The following PABPC4L variants were observed in gnomAD, a reference collection of about 807,000 sequenced individuals.
PABPC4L encodes the protein poly(A) binding protein cytoplasmic 4 like.
For missense variants in PABPC4L, 452 were observed against 451.4 expected (o/e 1.00, Z -0.01); for synonymous variants, 169 against 164.1 (o/e 1.03, Z -0.23).
At chr4:134,149,357 A>G in the PABPC4L span, among the ~76,000 whole-genome samples, 1 of 152,206 alleles carries the variant, frequency 6.6e-6, no homozygotes, top group East Asian at 1.9e-4. Context: ...TGAACTAGCG[A>G]AAAAATATTG....
the PABPC4L span, among the ~76,000 whole-genome samples, chr4:134,039,515 C>T: frequency 5.9e-5 from 9 of 151,784 alleles, no homozygotes; most frequent in Admixed American, 2.0e-4. Flanking sequence ...CTGTATTGGG[C>T]GCATATATAT....
At chr4:134,120,305 A>AT in the PABPC4L span, among the ~76,000 whole-genome samples, 3 of 138,916 alleles carry the variant, frequency 2.2e-5, no homozygotes, top group East Asian at 2.0e-4. Context: ...AACTAGAGTG[A>AT]TTTTTTACCA....
At chr4:134,139,665 T>C in the PABPC4L span, among the ~76,000 whole-genome samples, 2 of 151,094 alleles carry the variant, frequency 1.3e-5, no homozygotes, top group East Asian at 4.0e-4. Flanking sequence ...AGAAATGTTC[T>C]ATTGGCTTAA....
At chr4:134,018,502 C>T in the PABPC4L span, among the ~76,000 whole-genome samples, 2 of 152,134 alleles carry the variant, frequency 1.3e-5, no homozygotes, top group East Asian at 3.9e-4. Context: ...TCAATGCTCA[C>T]CCTCTTACCT....
chr4:134,200,209 G>A lies in PABPC4L; in HGVS notation c.811C>T (p.Arg271Ter), dbSNP rs779118612. Residue 271 changes from arginine (R) to a stop codon, truncating the protein, a stop_gained, in exon 2 of 2, where the codon CGA becomes TGA. Coordinates refer to ENST00000421491, the MANE Select transcript of PABPC4L (RefSeq NM_001114734.2). LOFTEE classifies it low-confidence loss of function (END_TRUNC). ...FVGRAQKKVE[R>*]QAELKQMFEQ... is the part of the protein sequence containing the mutation. The stretch of plus-strand genomic sequence containing the variant: ...AACATTTGCTTTAACTCAGCCTGTC[G>A]CTCGACTTTCTTTTGAGCCCGGCCT... 13 of 1,551,436 alleles carry A rather than the reference G, an allele frequency of 8.4e-6. No homozygotes were observed. The East Asian group carries it at 2.4e-4, about 29-fold the overall frequency.
chr4:134,147,042 T>C, the PABPC4L span, among the ~76,000 whole-genome samples: 4 of 152,142 alleles, frequency 2.6e-5, no homozygotes, highest in African/African-American at 4.8e-5. Flanking sequence ...AAGTGTACTT[T>C]ATTTTTATCT....
At chr4:133,989,198 G>T in the PABPC4L span, among the ~76,000 whole-genome samples, 1 of 151,958 alleles carries the variant, frequency 6.6e-6, no homozygotes, top group Non-Finnish European at 1.5e-5. Context: ...CCATGTTGTT[G>T]GTGAATAACA....
At chr4:134,033,421 G>A in the PABPC4L span, among the ~76,000 whole-genome samples, 1 of 151,768 alleles carries the variant, frequency 6.6e-6, no homozygotes, top group African/African-American at 2.4e-5. Flanking sequence ...AGGAAGAGTT[G>A]CATATATTTC....
rs1729777128 is a variant in PABPC4L at position 134,199,572 on chromosome 4, A to T, written c.*335T>A. 5.7e-6 allele frequency: 1 copy of T among 174,438 alleles called. No homozygotes were observed. Among genetic ancestry groups the T allele is most frequent in the Admixed American group, 6.3e-5 (1 of 15,954 alleles). The allele number at this position is 174,438 out of a possible 1,614,324, so 10.8% of individuals were successfully genotyped here. On this transcript the variant is annotated 3_prime_UTR_variant, in exon 2 of 2. Coordinates refer to ENST00000421491, the MANE Select transcript of PABPC4L (RefSeq NM_001114734.2). ...TTAAAGCTAGCAATATTACTAAAAT[A>T]ATAAATATGCAATAAATTCAAATAA...
the PABPC4L span, among the ~76,000 whole-genome samples, chr4:134,145,037 C>G: frequency 4.6e-5 from 7 of 151,672 alleles, no homozygotes; most frequent in Non-Finnish European, 7.4e-5. Flanking sequence ...ATAGTACGTT[C>G]AAGTGTTTGC....
the PABPC4L span, among the ~76,000 whole-genome samples, chr4:134,005,657 T>C: frequency 6.6e-6 from 1 of 151,980 alleles, no homozygotes; most frequent in South Asian, 2.1e-4. Context: ...GTTACTGCTT[T>C]TCATGTACTA....
chr4:133,963,268 G>A, the PABPC4L span, among the ~76,000 whole-genome samples: 1 of 152,200 alleles, frequency 6.6e-6, no homozygotes, highest in African/African-American at 2.4e-5. Flanking sequence ...AATGGTAAAA[G>A]GTCTTGTCCA....
chr4:134,061,873 GA>G, the PABPC4L span, among the ~76,000 whole-genome samples: 1 of 147,700 alleles, frequency 6.8e-6, no homozygotes, highest in African/African-American at 2.5e-5. Flanking sequence ...AAGAAAGAAG[GA>G]AAAAGGTGTC....
the PABPC4L span, among the ~76,000 whole-genome samples, chr4:134,072,320 G>T: frequency 1.3e-5 from 2 of 152,104 alleles, no homozygotes; most frequent in Non-Finnish European, 2.9e-5. Flanking sequence ...TCAACAATGA[G>T]TCACATGATA....
the PABPC4L span, among the ~76,000 whole-genome samples, chr4:134,110,121 C>A: frequency 1.3e-5 from 2 of 151,822 alleles, no homozygotes; most frequent in African/African-American, 2.4e-5. Context: ...ACTAAATAAC[C>A]AGAAAAGAGC....
chr4:134,184,937 T>G, the PABPC4L span, among the ~76,000 whole-genome samples: 1 of 152,042 alleles, frequency 6.6e-6, no homozygotes, highest in African/African-American at 2.4e-5. Flanking sequence ...AGTCTCTACT[T>G]ACAGCTGTTC....
the PABPC4L span, among the ~76,000 whole-genome samples, chr4:133,967,841 A>G: frequency 2.0e-5 from 3 of 152,190 alleles, no homozygotes; most frequent in Non-Finnish European, 4.4e-5. Context: ...ATGTGATGCC[A>G]AGCAACTTTA....
chr4:134,191,133 T>G, the PABPC4L span, among the ~76,000 whole-genome samples: 3 of 152,202 alleles, frequency 2.0e-5, no homozygotes, highest in Admixed American at 6.6e-5. Context: ...TATGGCTTAT[T>G]ATTGGGTATA....
chr4:134,080,058 T>A, the PABPC4L span, among the ~76,000 whole-genome samples: 1 of 152,250 alleles, frequency 6.6e-6, no homozygotes, highest in Non-Finnish European at 1.5e-5. Flanking sequence ...GGAATGAGAT[T>A]ATTTCCTACT....
Sources: allele counts gnomAD v4.1 joint callset (sites outside exome capture counted in the v4.1 genomes callset), GRCh38; gene constraint gnomAD v4.1.1; transcripts MANE v1.5; gene names NCBI Gene and HGNC (gene_info 2026-07-23, HGNC 2026-07-21).